The following R3HDM2 variants were observed in gnomAD, a reference collection of about 807,000 sequenced individuals.
R3HDM2 encodes R3H domain containing 2.
R3HDM2 carries 38 observed loss-of-function variants against 124.5 expected under a neutral mutation model. The ratio of observed to expected loss-of-function variants is 0.31; its 90% CI spans 0.24 to 0.40. The LOEUF (loss-of-function observed/expected upper bound fraction) is 0.40, where lower values mean the gene tolerates loss of function less well. R3HDM2 is among the 10% of genes least tolerant of loss of function. R3HDM2 has a pLI of 1.00. For missense variants in R3HDM2, 869 were observed against 1,236.9 expected (o/e 0.70, Z 4.46); for synonymous variants, 391 against 448.0 (o/e 0.87, Z 1.61).
At chr12:57,263,500 G>A (rs1344900224) in intron 19 of R3HDM2, among the ~76,000 whole-genome samples, 2 of 151,942 alleles carry the variant, frequency 1.3e-5, no homozygotes, top group African/African-American at 4.8e-5. Context: ...AGACAGTCTC[G>A]CTATGTTGCC....
chr12:57,342,792 G>A (rs2059695338), intron 2 of R3HDM2, among the ~76,000 whole-genome samples: 1 of 152,134 alleles, frequency 6.6e-6, no homozygotes, highest in African/African-American at 2.4e-5. Flanking sequence ...AAAAGCTACT[G>A]GGCTGGACTT....
rs779645957 is a variant in R3HDM2, at chr12:57,299,483, A to AGGGGAAAAAGGATAATCAAAG, written c.295-26_295-6dup. 4 of 1,544,668 alleles carry AGGGGAAAAAGGATAATCAAAG rather than the reference A, an allele frequency of 2.6e-6. No homozygotes were observed. In the South Asian group the frequency reaches 3.6e-5, roughly 14 times the overall value. On this transcript the variant is annotated splice_polypyrimidine_tract_variant and splice_region_variant and intron_variant, in intron 5 of 23. Transcript: ENST00000402412. ...GATGTGCAATTGAATTATATCCTTA[A>AGGGGAAAAAGGATAATCAAAG]GGGGAAAAAGGATAATCAAAGGGGG...
At chr12:57,302,051 C>T (rs895549862) in intron 4 of R3HDM2, among the ~76,000 whole-genome samples, 30 of 151,980 alleles carry the variant, frequency 2.0e-4, no homozygotes, top group African/African-American at 7.0e-4. Context: ...GAGGCCAAGA[C>T]AGGTGGATCG....
At chr12:57,382,418 TG>T (rs1303933047) in intron 2 of R3HDM2, among the ~76,000 whole-genome samples, 1 of 151,880 alleles carries the variant, frequency 6.6e-6, no homozygotes, top group Non-Finnish European at 1.5e-5. Flanking sequence ...AGCTAATTTT[TG>T]TATTTTTAGT....
At chr12:57,265,567 CAAAG>C (rs1351212407) in intron 19 of R3HDM2, among the ~76,000 whole-genome samples, 3 of 151,580 alleles carry the variant, frequency 2.0e-5, no homozygotes, top group Non-Finnish European at 4.4e-5. Flanking sequence ...AAAAGAAAAA[CAAAG>C]AAAACTAAGA....
intron 12 of R3HDM2, among the ~76,000 whole-genome samples, chr12:57,287,750 T>C (rs1565978728): frequency 1.3e-5 from 2 of 152,182 alleles, no homozygotes; most frequent in Admixed American, 6.5e-5. Flanking sequence ...GTTTTTCTAT[T>C]GGTAAATTGG....
At chr12:57,366,551 T>C (rs2062683330) in intron 2 of R3HDM2, among the ~76,000 whole-genome samples, 1 of 152,212 alleles carries the variant, frequency 6.6e-6, no homozygotes, top group Non-Finnish European at 1.5e-5. Flanking sequence ...CTATTGACTG[T>C]TTTTGTCCTC....
At chr12:57,336,113 C>A (rs2058820849) in intron 2 of R3HDM2, among the ~76,000 whole-genome samples, 1 of 151,240 alleles carries the variant, frequency 6.6e-6, no homozygotes, top group Admixed American at 6.6e-5. Flanking sequence ...ATACCTCACA[C>A]CAGTCAGAAT....
chr12:57,377,261 A>G (rs1357770247), intron 2 of R3HDM2, among the ~76,000 whole-genome samples: 4 of 152,122 alleles, frequency 2.6e-5, no homozygotes, highest in Non-Finnish European at 5.9e-5. Context: ...AAGATAGCAG[A>G]TAAGAAACAA....
chr12:57,355,228 C>A (rs554535421), intron 2 of R3HDM2, among the ~76,000 whole-genome samples: 1 of 151,670 alleles, frequency 6.6e-6, no homozygotes, highest in East Asian at 2.0e-4. Flanking sequence ...GAGGCCGAGG[C>A]GGGCGGATCA....
intron 1 of R3HDM2, chr12:57,418,335 G>A (rs988023408): frequency 3.0e-6 from 3 of 985,232 alleles, no homozygotes; most frequent in Non-Finnish European, 3.6e-6. Flanking sequence ...AGTTAACGGG[G>A]CAAGGCCTCC....
At chr12:57,377,438 A>G (rs2064240848) in intron 2 of R3HDM2, among the ~76,000 whole-genome samples, 1 of 152,072 alleles carries the variant, frequency 6.6e-6, no homozygotes, top group African/African-American at 2.4e-5. Context: ...CATGGGACCC[A>G]TGAGGAGTCA....
At chr12:57,291,943 G>A (rs146665363) in intron 11 of R3HDM2, among the ~76,000 whole-genome samples, 1 of 152,320 alleles carries the variant, frequency 6.6e-6, no homozygotes, top group African/African-American at 2.4e-5. Context: ...TGCCTAAACT[G>A]ATTCATGTTG....
At chr12:57,265,950 C>T (rs1252401095) in intron 19 of R3HDM2, among the ~76,000 whole-genome samples, 1 of 152,050 alleles carries the variant, frequency 6.6e-6, no homozygotes, top group Non-Finnish European at 1.5e-5. Context: ...ATGCACGCCA[C>T]CATGCCCAGC....
rs181096171 is a variant in R3HDM2, at chr12:57,375,002, A to T, written c.-36+20747T>A. On this transcript the variant is annotated intron_variant, in intron 2 of 23. Coordinates refer to ENST00000402412, the MANE Select transcript of R3HDM2 (RefSeq NM_001394031.1). ...CAGAGCAAGACTCCATCTCAAAAAA[A>T]AAATAAATAAATAAATAAATAAAAT... 3.0e-3 allele frequency among the ~76,000 whole-genome samples: 456 copies of T among 151,470 alleles called. 5 individuals are homozygous for T. Among genetic ancestry groups the T allele is most frequent in the East Asian group, 0.012 (63 of 5,150 alleles).
intron 2 of R3HDM2, chr12:57,341,420 G>A (rs904722637): frequency 1.0e-6 from 1 of 984,392 alleles, no homozygotes; most frequent in Non-Finnish European, 1.2e-6. Context: ...CCTTCTCTCC[G>A]TCCCCTCCCT....
At position 57,330,429 on chromosome 12, in the gene R3HDM2, C is replaced by T. The variant is rs569903835; in HGVS notation, c.-35-19966G>A. ...CACAACCTCAGCTCACAGCAACCTC[C>T]GCCTCCTGGGTTCAAGCGATTCTCC... On this transcript the variant is annotated intron_variant, in intron 2 of 23. Coordinates refer to ENST00000402412, the MANE Select transcript of R3HDM2 (RefSeq NM_001394031.1). 1.1e-4 allele frequency among the ~76,000 whole-genome samples: 16 copies of T among 152,068 alleles called. No individual in the cohort carries two copies. In the South Asian group the frequency reaches 1.9e-3, roughly 18 times the overall value.
intron 4 of R3HDM2, among the ~76,000 whole-genome samples, chr12:57,300,770 C>T (rs1393255661): frequency 6.6e-6 from 1 of 152,042 alleles, no homozygotes; most frequent in African/African-American, 2.4e-5. Context: ...TGACTCCAAA[C>T]CTGAGATGCC....
rs370437910 is a variant in R3HDM2, at chr12:57,256,047, G to C, written c.2575C>G (p.Arg859Gly). Reference protein sequence around the residue: ...QGQSGLKHGNRGKRQALKSAS... With the variant: ...QGQSGLKHGNGGKRQALKSAS... ...GATTTGAGTGCTTGTCTCTTGCCCCGGTTTCCATGCTTCAGTCCACTCTGT... is the reference window on the plus strand; with the variant it reads ...GATTTGAGTGCTTGTCTCTTGCCCCCGTTTCCATGCTTCAGTCCACTCTGT... Residue 859 changes from arginine to glycine, a missense_variant, in exon 23 of 24, where the codon CGG becomes GGG. Arg to Gly is a moderately radical substitution (Grantham distance 125, BLOSUM62 -2). Around this residue, in one of 2 missense-constraint regions of R3HDM2, gnomAD observed 602 missense variants for 789.2 expected, o/e 0.76. Coordinates refer to ENST00000402412, the MANE Select transcript of R3HDM2 (RefSeq NM_001394031.1). The C allele has an allele frequency of 6.2e-7, 1 of 1,613,998 alleles. No individual in the cohort carries two copies. The highest frequency in any genetic ancestry group is 1.3e-5 in the African/African-American group (1 of 74,990).
Sources: allele counts gnomAD v4.1 joint callset (sites outside exome capture counted in the v4.1 genomes callset), GRCh38; gene constraint gnomAD v4.1.1; regional missense constraint gnomAD v4.1.1; transcripts MANE v1.5; gene names NCBI Gene and HGNC (gene_info 2026-07-23, HGNC 2026-07-21).